Variants in ANKRD17 observed in about 807,000 individuals in gnomAD.
ANKRD17 encodes the protein ankyrin repeat domain-containing protein 17.
Under a neutral mutation model 229.7 loss-of-function variants are expected in ANKRD17, and 19 were observed. That is an observed-to-expected ratio of 0.08 (90% CI 0.06 to 0.12). The LOEUF (loss-of-function observed/expected upper bound fraction) is 0.12. Ranked by LOEUF, ANKRD17 falls within the 10% of genes least tolerant of loss-of-function variation. The pLI is 1.00. For missense variants in ANKRD17, 2,176 were observed against 3,176.8 expected (o/e 0.68, Z 7.57); for synonymous variants, 1,112 against 1,146.1 (o/e 0.97, Z 0.60).
chr4:73,246,010 A>G (rs1744466574), intron 1 of ANKRD17, among the ~76,000 whole-genome samples: 1 of 152,212 alleles, frequency 6.6e-6, no homozygotes, highest in Non-Finnish European at 1.5e-5. Context: ...GGGGGCTACA[A>G]AAGTTGTACA....
chr4:73,170,825 G>A (rs985179706), intron 2 of ANKRD17, among the ~76,000 whole-genome samples: 2 of 152,124 alleles, frequency 1.3e-5, no homozygotes, highest in Non-Finnish European at 2.9e-5. Flanking sequence ...ACTGTATATC[G>A]TGGTTTGAGT....
At chr4:73,253,044 G>A (rs544935927) in intron 1 of ANKRD17, among the ~76,000 whole-genome samples, 1 of 152,314 alleles carries the variant, frequency 6.6e-6, no homozygotes, top group African/African-American at 2.4e-5. Flanking sequence ...GAATGAGTGA[G>A]AGAATAAATG....
intron 1 of ANKRD17, among the ~76,000 whole-genome samples, chr4:73,201,937 T>G (rs1738725919): frequency 6.6e-6 from 1 of 152,128 alleles, no homozygotes; most frequent in African/African-American, 2.4e-5. Flanking sequence ...GCATCTACAA[T>G]GGCACTGCAC....
intron 1 of ANKRD17, among the ~76,000 whole-genome samples, chr4:73,205,615 T>C (rs1382959284): frequency 6.6e-6 from 1 of 152,114 alleles, no homozygotes; most frequent in Non-Finnish European, 1.5e-5. Flanking sequence ...GACTTAAACA[T>C]AAGCACTGAA....
intron 22 of ANKRD17, among the ~76,000 whole-genome samples, chr4:73,116,333 G>A (rs1169622401): frequency 2.0e-5 from 3 of 152,040 alleles, no homozygotes; most frequent in African/African-American, 7.2e-5. Flanking sequence ...CATTCCTTCA[G>A]ATAAAAAACA....
intron 5 of ANKRD17, among the ~76,000 whole-genome samples, chr4:73,155,035 C>T (rs1378859979): frequency 4.9e-5 from 7 of 142,452 alleles, no homozygotes; most frequent in East Asian, 2.0e-4. Flanking sequence ...AGCGAGACTC[C>T]GTCTCAAAAA....
intron 1 of ANKRD17, among the ~76,000 whole-genome samples, chr4:73,248,864 T>C (rs1346336033): frequency 6.6e-6 from 1 of 151,972 alleles, no homozygotes; most frequent in South Asian, 2.1e-4. Flanking sequence ...AATTAACTCC[T>C]GTAGGAGTTA....
At chr4:73,122,775 A>G (rs10050235) in intron 18 of ANKRD17, among the ~76,000 whole-genome samples, 68,550 of 151,772 alleles carry the variant, frequency 0.45, 15,698 homozygotes, top group Admixed American at 0.53. Context: ...TTTCAGAGCG[A>G]GTGACAAGGT....
At chr4:73,171,215 G>C (rs927304383) in intron 2 of ANKRD17, among the ~76,000 whole-genome samples, 6 of 150,662 alleles carry the variant, frequency 4.0e-5, no homozygotes, top group Non-Finnish European at 8.9e-5. Flanking sequence ...GAGAGAGAGA[G>C]AGAGAGACTG....
intron 1 of ANKRD17, among the ~76,000 whole-genome samples, chr4:73,226,801 A>T (rs1430179167): frequency 6.6e-6 from 1 of 150,744 alleles, no homozygotes; most frequent in Non-Finnish European, 1.5e-5. Flanking sequence ...TGCAACCTCC[A>T]CCTCCTGGGC....
rs754977999 is a variant in ANKRD17, at chr4:73,225,973, CTT to C, written c.393+32301_393+32302del. 1.5e-3 allele frequency among the ~76,000 whole-genome samples: 135 copies of C among 92,564 alleles called. 1 individual carries two copies. The highest frequency in any genetic ancestry group is 5.5e-3 in the African/African-American group (128 of 23,416). 60.7% of individuals were successfully genotyped at this position (92,564 alleles called of 152,430 possible). On this transcript the variant is annotated intron_variant, in intron 1 of 33. Transcript: ENST00000358602. The stretch of plus-strand genomic sequence containing the variant: ...CTCTGGCATAGAGCAGGCTCTTAAG[CTT>C]TTTTTTTTTTTTTTTTTTGAGGCGG...
rs976299618 is a variant in ANKRD17, at chr4:73,188,671, G to C, written c.394-11138C>G. On this transcript the variant is annotated intron_variant, in intron 1 of 33. Coordinates refer to ENST00000358602, the MANE Select transcript of ANKRD17 (RefSeq NM_032217.5). ...GAGATTTAAAATAAATAAATGAAAA[G>C]CTTCAAAATAGAATACAAATCAAAA... is the stretch of plus-strand genomic sequence containing the variant. 4.6e-5 allele frequency among the ~76,000 whole-genome samples: 7 copies of C among 151,916 alleles called. No individual in the cohort carries two copies. In the South Asian group the frequency reaches 1.4e-3, roughly 31 times the overall value.
At position 73,161,235 on chromosome 4, in the gene ANKRD17, G is replaced by A. The variant is rs748344334; in HGVS notation, c.661C>T (p.Arg221Cys). The A allele has an allele frequency of 3.7e-6, 6 of 1,614,130 alleles. No individual in the cohort carries two copies. Among genetic ancestry groups the A allele is most frequent in the South Asian group, 1.1e-5 (1 of 91,074 alleles). ...TTTGCTGTGCTTTCAGCTCTCATAC[G>A]GGTAAGTGCAGCAGCAGCTTCATCC... ...ALDEAAAALT[R>C]MRAESTANAG... is the part of the protein sequence containing the mutation. Residue 221 changes from arginine (R) to cysteine (C), a missense_variant, in exon 3 of 34, where the codon CGT (arginine) becomes TGT (cysteine). Around this residue, in one of 18 missense-constraint regions of ANKRD17, gnomAD observed 184 missense variants for 357.8 expected, o/e 0.51. Transcript: ENST00000358602.
At chr4:73,177,820 G>A (rs557729957) in intron 1 of ANKRD17, among the ~76,000 whole-genome samples, 12 of 152,192 alleles carry the variant, frequency 7.9e-5, no homozygotes, top group Middle Eastern at 3.4e-3. Context: ...TATATGTAGG[G>A]TTGAGTGTGA....
intron 1 of ANKRD17, among the ~76,000 whole-genome samples, chr4:73,212,752 A>C (rs1318935074): frequency 1.3e-5 from 2 of 152,132 alleles, no homozygotes; most frequent in African/African-American, 2.4e-5. Context: ...ACAGTGGCTC[A>C]CGCCTGTAAT....
At chr4:73,110,011 C>CAAAA (rs1175850592) in intron 24 of ANKRD17, among the ~76,000 whole-genome samples, 7 of 33,218 alleles carry the variant, frequency 2.1e-4, no homozygotes, top group African/African-American at 8.4e-4. Flanking sequence ...AAAAGTTTAC[C>CAAAA]AAAAAAAAAA....
At chr4:73,117,176 A>G (rs1164877300) in intron 22 of ANKRD17, among the ~76,000 whole-genome samples, 1 of 152,212 alleles carries the variant, frequency 6.6e-6, no homozygotes, top group Non-Finnish European at 1.5e-5. Context: ...TTGGTAGGAG[A>G]GACTTCAACT....
At chr4:73,125,913 AC>A (rs1727403677) in intron 16 of ANKRD17, among the ~76,000 whole-genome samples, 1 of 152,162 alleles carries the variant, frequency 6.6e-6, no homozygotes, top group East Asian at 1.9e-4. Flanking sequence ...TAATGGAGAA[AC>A]ATAGATCAGA....
At chr4:73,118,950 G>C in intron 21 of ANKRD17, 100 bp from the exon 22 acceptor site, 1 of 1,273,222 alleles carries the variant, frequency 7.9e-7, no homozygotes, top group Non-Finnish European at 1.1e-6. Context: ...GCAGTGGTGA[G>C]ATCATGGCTC....
Sources: allele counts gnomAD v4.1 joint callset (sites outside exome capture counted in the v4.1 genomes callset), GRCh38; gene constraint gnomAD v4.1.1; regional missense constraint gnomAD v4.1.1; transcripts MANE v1.5; gene names NCBI Gene and HGNC (gene_info 2026-07-23, HGNC 2026-07-21).